Variants in MINAR1 observed in about 807,000 individuals in gnomAD.
The protein encoded by MINAR1 is major intrinsically disordered Notch2-binding receptor 1.
A neutral mutation model predicts 65.1 loss-of-function variants in MINAR1; 40 were observed. The observed-to-expected ratio is 0.61, with a 90% CI of 0.48 to 0.80. The LOEUF (loss-of-function observed/expected upper bound fraction) is 0.80. Among genes scored for constraint, MINAR1 ranks in the 30% least tolerant of loss-of-function variants. The pLI, the probability that MINAR1 is intolerant of heterozygous loss-of-function variation, is 0.00. For missense variants in MINAR1, 1,128 were observed against 1,148.0 expected, an observed-to-expected ratio of 0.98 and a Z score of 0.25; for synonymous variants, 482 against 449.1, an observed-to-expected ratio of 1.07 and a Z score of -0.93.
At chr15:79,429,931 C>G (rs1157015047), upstream of MINAR1, among the ~76,000 whole-genome samples, 1 of 152,142 alleles carries the variant, frequency 6.6e-6, no homozygotes, top group Non-Finnish European at 1.5e-5. Context: ...TGAGGTGTTA[C>G]TGTATCTGTG....
At position 79,470,900 on chromosome 15, in the gene MINAR1, G is replaced by C. The variant is rs1182921963; in HGVS notation, c.*2516G>C. On this transcript the variant is annotated 3_prime_UTR_variant, in exon 4 of 4. Coordinates refer to ENST00000305428, the MANE Select transcript of MINAR1 (RefSeq NM_015206.3). ...TTATGAATCATTACCATGGCTTGGA[G>C]CTATTGGATGCTTGGGGTCTTGGGA... 1 of 152,176 alleles carries C rather than the reference G, an allele frequency of 6.6e-6. No individual in the cohort carries two copies. The highest frequency in any genetic ancestry group is 2.4e-5 in the African/African-American group (1 of 41,430). 9.4% of individuals were successfully genotyped at this position (152,176 alleles called of 1,614,324 possible). A position where few individuals can be genotyped will look rare whatever the true frequency, so the allele number is the denominator to read the frequency against.
chr15:79,471,089 C>G lies in MINAR1; in HGVS notation c.*2705C>G, dbSNP rs1896061541. On this transcript the variant is annotated 3_prime_UTR_variant, in exon 4 of 4. Coordinates refer to ENST00000305428, the MANE Select transcript of MINAR1 (RefSeq NM_015206.3). Reference sequence around the variant, plus strand: ...TCTGGCTAGGAGGGAAACATCTATCCATCTCTCTAATCTTTGCCCATCACC... The same window carrying G: ...TCTGGCTAGGAGGGAAACATCTATCGATCTCTCTAATCTTTGCCCATCACC... 6.6e-6 allele frequency: 1 copy of G among 152,078 alleles called. No homozygotes were observed. The highest frequency in any genetic ancestry group is 6.6e-5 in the Admixed American group (1 of 15,266). 9.4% of individuals were successfully genotyped at this position (152,078 alleles called of 1,614,324 possible).
upstream of MINAR1, among the ~76,000 whole-genome samples, chr15:79,430,271 G>C (rs1418403267): frequency 6.6e-6 from 1 of 152,088 alleles, no homozygotes; most frequent in Admixed American, 6.5e-5. Context: ...TACTGAATCT[G>C]AGTTTCAGGA....
chr15:79,443,528 G>A (rs747070631), intron 1 of MINAR1, among the ~76,000 whole-genome samples: 5 of 151,972 alleles, frequency 3.3e-5, no homozygotes, highest in Non-Finnish European at 7.4e-5. Flanking sequence ...ATAGATTTTT[G>A]CATTCTCCTT....
intron 1 of MINAR1, among the ~76,000 whole-genome samples, chr15:79,440,882 T>C (rs1308336815): frequency 6.6e-6 from 1 of 152,222 alleles, no homozygotes; most frequent in Admixed American, 6.5e-5. Flanking sequence ...TTATTATCTG[T>C]CTCCCCCACT....
intron 1 of MINAR1, among the ~76,000 whole-genome samples, chr15:79,447,357 G>T (rs969828284): frequency 6.6e-6 from 1 of 151,856 alleles, no homozygotes; most frequent in Non-Finnish European, 1.5e-5. Flanking sequence ...TTCTTTTCCA[G>T]ATCTGTATGT....
At chr15:79,460,379 CCTCTCACT>C (rs1169756134) in intron 2 of MINAR1, among the ~76,000 whole-genome samples, 2 of 152,184 alleles carry the variant, frequency 1.3e-5, no homozygotes, top group East Asian at 3.8e-4. Flanking sequence ...AACAGTGTTC[CCTCTCACT>C]ATTTCCATTC....
At chr15:79,461,479 G>T (rs1895638705) in intron 2 of MINAR1, among the ~76,000 whole-genome samples, 1 of 152,228 alleles carries the variant, frequency 6.6e-6, no homozygotes. Flanking sequence ...GCTTGGTGCA[G>T]ACTCTGCATG....
intron 1 of MINAR1, among the ~76,000 whole-genome samples, chr15:79,437,812 T>G (rs1413045177): frequency 4.3e-5 from 1 of 23,202 alleles, no homozygotes. Flanking sequence ...GCAGTGAGTG[T>G]GTGGGGCGTG....
rs1231094928 is a variant in MINAR1 at position 79,469,767 on chromosome 15, A to G, written c.*1383A>G. On this transcript the variant is annotated 3_prime_UTR_variant, in exon 4 of 4. Coordinates refer to ENST00000305428, the MANE Select transcript of MINAR1 (RefSeq NM_015206.3). ...CCAATGTCTTGTTACAGGTCAAAGA[A>G]AAAAGGATTGACAGAAACTAGCTAC... 5 of 152,652 alleles carry G rather than the reference A, an allele frequency of 3.3e-5. No homozygotes were observed. Among genetic ancestry groups the G allele is most frequent in the African/African-American group, 1.2e-4 (5 of 41,458 alleles). The allele number at this position is 152,652 out of a possible 1,614,324, so 9.5% of individuals were successfully genotyped here.
rs962262977 is a variant in MINAR1, at chr15:79,468,499, A to T, written c.*115A>T. The T allele has an allele frequency of 4.3e-6, 4 of 922,082 alleles. No homozygotes were observed. Among genetic ancestry groups the T allele is most frequent in the South Asian group, 1.7e-5 (1 of 58,524 alleles). The allele number at this position is 922,082 out of a possible 1,614,324, so 57.1% of individuals were successfully genotyped here. A position where few individuals can be genotyped will look rare whatever the true frequency, so the allele number is the denominator to read the frequency against. ...GAAATGGAGATGAAATCATGGAGGC[A>T]TTTCTACAAATGTTGAATGAAGGTG... On this transcript the variant is annotated 3_prime_UTR_variant, in exon 4 of 4. Transcript: ENST00000305428.
chr15:79,440,183 G>A (rs911431081), intron 1 of MINAR1, among the ~76,000 whole-genome samples: 1 of 152,164 alleles, frequency 6.6e-6, no homozygotes, highest in Non-Finnish European at 1.5e-5. Context: ...TGCTGAGTCA[G>A]AATCTCTGGG....
chr15:79,452,793 G>C (rs1279325352), intron 1 of MINAR1, among the ~76,000 whole-genome samples: 1 of 150,348 alleles, frequency 6.7e-6, no homozygotes, highest in Non-Finnish European at 1.5e-5. Flanking sequence ...GTCTAGGTGA[G>C]TCTAAGTGTG....
At chr15:79,418,123 A>G in the MINAR1 span, 1 of 152,240 alleles carries the variant, frequency 6.6e-6, no homozygotes, top group Non-Finnish European at 1.5e-5. Flanking sequence ...GAGATAAAGG[A>G]TGGGAAGGCT....
the MINAR1 span, chr15:79,411,569 G>T: frequency 1.4e-6 from 1 of 695,292 alleles, no homozygotes; most frequent in Non-Finnish European, 2.6e-6. Flanking sequence ...CGCTGAAGTG[G>T]GAGGAAGCTG....
At chr15:79,454,726 A>G (rs1466471896) in intron 1 of MINAR1, among the ~76,000 whole-genome samples, 1 of 143,976 alleles carries the variant, frequency 6.9e-6, no homozygotes, top group East Asian at 2.4e-4. Flanking sequence ...AATTTTAGAA[A>G]AGATGGGAAA....
Position 79,456,922 on chromosome 15 carries a change from A to G in MINAR1, c.775A>G (p.Ile259Val), listed in dbSNP as rs1209491007. The change falls in exon 2 of 4, where the codon ATC becomes GTC. Residue 259 changes from isoleucine (I) to valine (V), a missense_variant. Ile to Val is a conservative substitution (Grantham distance 29). Transcript: ENST00000305428. ...VVQSCVQKRN[I>V]FKEDFHNLMA... is the part of the protein sequence containing the mutation. ...CCAGTCCTGTGTCCAGAAAAGGAAT[A>G]TCTTCAAAGAGGATTTTCACAATTT... 1 of 1,614,210 alleles carries G rather than the reference A, an allele frequency of 6.2e-7. No individual in the cohort carries two copies.
Position 79,458,248 on chromosome 15 carries a change from A to G in MINAR1, c.2101A>G (p.Lys701Glu), listed in dbSNP as rs369027269. 19 of 1,613,994 alleles carry G rather than the reference A, an allele frequency of 1.2e-5. No homozygotes were observed. Among genetic ancestry groups the G allele is most frequent in the Non-Finnish European group, 1.5e-5 (18 of 1,180,038 alleles). Residue 701 changes from lysine to glutamate, a missense_variant, in exon 2 of 4, where the codon AAA (lysine) becomes GAA (glutamate). By Grantham distance (56) the Lys-to-Glu change is moderately conservative (BLOSUM62 1). Coordinates refer to ENST00000305428, the MANE Select transcript of MINAR1 (RefSeq NM_015206.3). The part of the protein sequence containing the change: ...SESLRVKALK[K>E]SLFTRPSSRS... ...AAGCCTGCGGGTCAAGGCCTTAAAA[A>G]AAAGCCTCTTCACCAGGCCATCCTC...
chr15:79,449,457 A>G (rs974356466), intron 1 of MINAR1, among the ~76,000 whole-genome samples: 1 of 152,236 alleles, frequency 6.6e-6, no homozygotes, highest in African/African-American at 2.4e-5. Flanking sequence ...TCCAAGATCA[A>G]GGTGCCAGTT....
Sources: allele counts gnomAD v4.1 joint callset (sites outside exome capture counted in the v4.1 genomes callset), GRCh38; gene constraint gnomAD v4.1.1; transcripts MANE v1.5; gene names NCBI Gene and HGNC (gene_info 2026-07-23, HGNC 2026-07-21).